ENTHD1: variants seen among roughly 807,000 people sequenced by gnomAD.
ENTHD1 encodes the protein ENTH domain containing 1.
ENTHD1 carries 23 observed loss-of-function variants against 39.1 expected under a neutral mutation model. The observed-to-expected ratio is 0.59, with a 90% confidence interval of 0.42 to 0.83. The LOEUF (loss-of-function observed/expected upper bound fraction) is 0.83, where lower values mean the gene tolerates loss of function less well. Among genes scored for constraint, ENTHD1 ranks in the 40% least tolerant of loss-of-function variants. ENTHD1 has a pLI of 0.00. For missense variants in ENTHD1, 624 were observed against 705.4 expected, an observed-to-expected ratio of 0.88 and a Z score of 1.31; for synonymous variants, 230 against 258.2, an observed-to-expected ratio of 0.89 and a Z score of 1.05.
In ENTHD1 at chr22:39,744,004, G is replaced by C; in HGVS notation, c.1499C>G (p.Ser500Cys). Reference protein sequence around the residue: ...LLGILPNNSDSAKKNISHISS... With the variant: ...LLGILPNNSDCAKKNISHISS... The stretch of plus-strand genomic sequence containing the variant: ...AATGTGACTTATATTCTTTTTAGCA[G>C]AATCAGAGTTATTTGGAAGAATTCC... The change falls in exon 7 of 7, where the codon TCT (serine) becomes TGT (cysteine). Residue 500 changes from serine (S) to cysteine (C), a missense_variant. Physicochemically the swap from Ser to Cys is moderately radical, Grantham distance 112 (BLOSUM62 -1). Transcript: ENST00000325157. 1 of 1,614,154 alleles carries C rather than the reference G, an allele frequency of 6.2e-7. No homozygotes were observed. Among genetic ancestry groups the C allele is most frequent in the Non-Finnish European group, 8.5e-7 (1 of 1,180,008 alleles).
At chr22:39,841,412 G>C (rs2065943548) in intron 3 of ENTHD1, among the ~76,000 whole-genome samples, 1 of 151,760 alleles carries the variant, frequency 6.6e-6, no homozygotes, top group South Asian at 2.1e-4. Flanking sequence ...TTATGAATCT[G>C]GGTGCTCCTG....
intron 5 of ENTHD1, among the ~76,000 whole-genome samples, chr22:39,801,649 C>T (rs1225007918): frequency 6.6e-6 from 1 of 152,202 alleles, no homozygotes; most frequent in African/African-American, 2.4e-5. Flanking sequence ...AAGATGCCTA[C>T]ATTTTGTTAA....
At chr22:39,755,671 A>G (rs1203673973) in intron 6 of ENTHD1, among the ~76,000 whole-genome samples, 4 of 152,164 alleles carry the variant, frequency 2.6e-5, no homozygotes, top group Admixed American at 2.6e-4. Context: ...GGAAACAACT[A>G]GAGAGGATTT....
chr22:39,848,728 C>T (rs2066011220), intron 3 of ENTHD1, among the ~76,000 whole-genome samples: 1 of 152,120 alleles, frequency 6.6e-6, no homozygotes, highest in Admixed American at 6.5e-5. Context: ...ATCCTCAAAA[C>T]TCTGCCTACC....
chr22:39,890,466 C>T (rs1187386730), intron 1 of ENTHD1, among the ~76,000 whole-genome samples: 3 of 152,006 alleles, frequency 2.0e-5, no homozygotes, highest in East Asian at 1.9e-4. Context: ...TGTTTCTTCA[C>T]GATTCTATTT....
At chr22:39,835,004 G>A (rs2065897522) in intron 4 of ENTHD1, among the ~76,000 whole-genome samples, 1 of 152,130 alleles carries the variant, frequency 6.6e-6, no homozygotes, top group African/African-American at 2.4e-5. Flanking sequence ...TTCTTTTGTG[G>A]TGATGGAACA....
At chr22:39,806,096 A>G (rs2065638363) in intron 5 of ENTHD1, among the ~76,000 whole-genome samples, 1 of 152,226 alleles carries the variant, frequency 6.6e-6, no homozygotes. Context: ...ACTCGGGGGA[A>G]ATCAATGCTA....
intron 5 of ENTHD1, among the ~76,000 whole-genome samples, chr22:39,793,706 T>C (rs1036718545): frequency 2.0e-5 from 3 of 152,252 alleles, no homozygotes; most frequent in Non-Finnish European, 4.4e-5. Flanking sequence ...CACCATTTAT[T>C]GAAGAAGGTG....
intron 1 of ENTHD1, 34 bp from the exon 2 acceptor site, chr22:39,887,937 C>A: frequency 1.9e-6 from 1 of 520,860 alleles, no homozygotes; most frequent in Non-Finnish European, 3.3e-6. Flanking sequence ...TTACATTAAA[C>A]TTTTTTTTAA....
chr22:39,784,034 A>G (rs1365308040), intron 5 of ENTHD1, among the ~76,000 whole-genome samples: 1 of 152,200 alleles, frequency 6.6e-6, no homozygotes, highest in African/African-American at 2.4e-5. Flanking sequence ...ATATATTAGG[A>G]GCTCAAACAA....
Position 39,743,517 on chromosome 22 carries a change from C to T in ENTHD1, c.*162G>A. On this transcript the variant is annotated 3_prime_UTR_variant, in exon 7 of 7. Transcript: ENST00000325157. Reference sequence around the variant, plus strand: ...TTTCCCTTTTAAAAAATAAACCACCCAAATGAAAGTATTAGTTTGAAAGAT... The same window carrying T: ...TTTCCCTTTTAAAAAATAAACCACCTAAATGAAAGTATTAGTTTGAAAGAT... 1 of 755,208 alleles carries T rather than the reference C, an allele frequency of 1.3e-6. No individual in the cohort carries two copies. Among genetic ancestry groups the T allele is most frequent in the South Asian group, 3.0e-5 (1 of 33,136 alleles). The allele number at this position is 755,208 out of a possible 1,614,324, so 46.8% of individuals were successfully genotyped here.
chr22:39,812,441 G>A (rs2065695830), intron 5 of ENTHD1, among the ~76,000 whole-genome samples: 2 of 152,196 alleles, frequency 1.3e-5, no homozygotes, highest in Non-Finnish European at 2.9e-5. Context: ...GGACTTTTCA[G>A]GATGTGCACA....
chr22:39,807,731 A>ATT (rs978843013), intron 5 of ENTHD1, among the ~76,000 whole-genome samples: 7 of 152,228 alleles, frequency 4.6e-5, no homozygotes, highest in African/African-American at 1.4e-4. Flanking sequence ...GTTGTGACCA[A>ATT]TTAGTGGGTA....
chr22:39,875,235 G>C (rs1180846876), intron 2 of ENTHD1: 3 of 1,065,040 alleles, frequency 2.8e-6, no homozygotes, highest in African/African-American at 1.7e-5. Flanking sequence ...CATACGGTAT[G>C]CTTCCATTTA....
intron 5 of ENTHD1, among the ~76,000 whole-genome samples, chr22:39,815,977 A>G (rs570902037): frequency 2.6e-5 from 4 of 152,354 alleles, no homozygotes; most frequent in African/African-American, 9.6e-5. Flanking sequence ...AATAATGAGT[A>G]AAGAGAGGTT....
intron 5 of ENTHD1, among the ~76,000 whole-genome samples, chr22:39,795,076 G>A (rs373928042): frequency 3.0e-4 from 45 of 152,226 alleles, no homozygotes; most frequent in African/African-American, 9.6e-4. Flanking sequence ...ATTGATTTGC[G>A]TATATTGAAT....
rs2065072299 is a variant in ENTHD1, at chr22:39,743,083, G to C, written c.*596C>G. 6.6e-6 allele frequency: 1 copy of C among 152,178 alleles called. No homozygotes were observed. The allele number at this position is 152,178 out of a possible 1,614,324, so 9.4% of individuals were successfully genotyped here. A position where few individuals can be genotyped will look rare whatever the true frequency, so the allele number is the denominator to read the frequency against. ...TTTATTTTCTGAAGTAGAATAAAAG[G>C]ATGCATTTGAATTCACCTTGCAATA... On this transcript the variant is annotated 3_prime_UTR_variant, in exon 7 of 7. Coordinates refer to ENST00000325157, the MANE Select transcript of ENTHD1 (RefSeq NM_152512.4).
At chr22:39,888,099 G>T (rs1193076381) in intron 1 of ENTHD1, among the ~76,000 whole-genome samples, 196 bp from the exon 2 acceptor site, 1 of 151,928 alleles carries the variant, frequency 6.6e-6, no homozygotes, top group Admixed American at 6.6e-5. Context: ...ATTATTTAAA[G>T]AAATATAGGT....
intron 5 of ENTHD1, among the ~76,000 whole-genome samples, chr22:39,814,703 T>C (rs2065720172): frequency 2.0e-5 from 3 of 152,192 alleles, no homozygotes; most frequent in Non-Finnish European, 2.9e-5. Flanking sequence ...CAGCTGGCTA[T>C]CCATTTAGAA....
Sources: gnomAD v4.1 joint callset for allele counts (sites outside exome capture counted in the v4.1 genomes callset) on GRCh38, gnomAD v4.1.1 for gene constraint, MANE v1.5 for transcripts, NCBI Gene and HGNC (gene_info 2026-07-23, HGNC 2026-07-21) for gene names.